Variants in GAB1 observed in about 807,000 individuals in gnomAD.
The protein encoded by GAB1 is GRB2 associated binding protein 1.
In GAB1, 19 loss-of-function variants were observed where a neutral mutation model predicts 66.5. The observed-to-expected ratio is 0.29, with a 90% CI of 0.20 to 0.42. The LOEUF is 0.42. Ranked by LOEUF, GAB1 falls within the 10% of genes least tolerant of loss-of-function variation. The pLI, the probability that GAB1 is intolerant of heterozygous loss-of-function variation, is 1.00. For missense variants in GAB1, 732 were observed against 858.5 expected, an observed-to-expected ratio of 0.85 and a Z score of 1.84; for synonymous variants, 294 against 301.4, an observed-to-expected ratio of 0.98 and a Z score of 0.25.
chr4:143,394,417 A>G (rs950077050), intron 1 of GAB1, among the ~76,000 whole-genome samples: 4 of 152,238 alleles, frequency 2.6e-5, no homozygotes, highest in South Asian at 2.1e-4. Context: ...TGTGTGTCCA[A>G]TTTAAATGCT....
chr4:143,417,395 T>G (rs1178524227), intron 2 of GAB1: 1 of 421,676 alleles, frequency 2.4e-6, no homozygotes, highest in Admixed American at 2.5e-5. Context: ...CTCGGGTACT[T>G]TTTTATTATT....
intron 1 of GAB1, among the ~76,000 whole-genome samples, chr4:143,373,044 A>AC (rs1560725364): frequency 4.7e-4 from 69 of 148,262 alleles, no homozygotes; most frequent in Middle Eastern, 3.5e-3. Context: ...TTCCTTTAAA[A>AC]ACACACACAC....
chr4:143,389,490 G>C (rs1731082026), intron 1 of GAB1, among the ~76,000 whole-genome samples: 2 of 152,190 alleles, frequency 1.3e-5, no homozygotes, highest in Middle Eastern at 3.2e-3. Context: ...ATAAAATATA[G>C]TAGTGCTTCC....
Position 143,439,788 on chromosome 4 carries a change from G to T in GAB1, c.1196-14G>T. 2 of 1,581,692 alleles carry T rather than the reference G, an allele frequency of 1.3e-6. No homozygotes were observed. Among genetic ancestry groups the T allele is most frequent in the Non-Finnish European group, 1.7e-6 (2 of 1,150,784 alleles). ...AGATGGGAATAAATGTTGATAGTTT[G>T]TTCTTTATTTTAGATGCTAGTTCTC... On this transcript the variant is annotated splice_polypyrimidine_tract_variant and intron_variant, in intron 4 of 9. Coordinates refer to ENST00000262994, the MANE Select transcript of GAB1 (RefSeq NM_002039.4).
intron 1 of GAB1, chr4:143,395,639 A>G (rs1335046093): frequency 1.8e-5 from 5 of 275,282 alleles, no homozygotes; most frequent in Non-Finnish European, 3.6e-5. Context: ...TCTCCCTAAA[A>G]TGTTTGTGAG....
chr4:143,447,152 A>G (rs13145263), intron 6 of GAB1, among the ~76,000 whole-genome samples: 68,035 of 150,984 alleles, frequency 0.45, 18,530 homozygotes, highest in African/African-American at 0.77. Context: ...CCATTGATCT[A>G]TATCTCTGTT....
chr4:143,433,175 CTT>C (rs1733765188), intron 2 of GAB1, among the ~76,000 whole-genome samples: 1 of 152,228 alleles, frequency 6.6e-6, no homozygotes, highest in Admixed American at 6.5e-5. Flanking sequence ...TTTAAAGTAT[CTT>C]TCTCTTCTGC....
At chr4:143,373,856 T>TAAATAAATAA (rs1560725879) in intron 1 of GAB1, among the ~76,000 whole-genome samples, 1 of 111,732 alleles carries the variant, frequency 8.9e-6, no homozygotes, top group African/African-American at 4.2e-5. Context: ...TCTCTCTCTC[T>TAAATAAATAA]GTAAATAAAT....
At chr4:143,455,896 G>A (rs1265975936) in intron 6 of GAB1, among the ~76,000 whole-genome samples, 1 of 152,146 alleles carries the variant, frequency 6.6e-6, no homozygotes, top group Non-Finnish European at 1.5e-5. Flanking sequence ...TAAAGGTCTG[G>A]AAAGGTAAGA....
chr4:143,384,469 A>T (rs907523675), intron 1 of GAB1, among the ~76,000 whole-genome samples: 1 of 152,202 alleles, frequency 6.6e-6, no homozygotes, highest in Admixed American at 6.5e-5. Flanking sequence ...CTATAATTTC[A>T]GGGTGAACTT....
chr4:143,421,688 CT>C (rs1733026792), intron 2 of GAB1, among the ~76,000 whole-genome samples: 1 of 114,210 alleles, frequency 8.8e-6, no homozygotes, highest in African/African-American at 3.8e-5. Flanking sequence ...TTTTTCTTTT[CT>C]TTTCTTTTCT....
chr4:143,450,091 G>C (rs375412367), intron 6 of GAB1, among the ~76,000 whole-genome samples: 1 of 152,024 alleles, frequency 6.6e-6, no homozygotes. Flanking sequence ...ATTTGTTACC[G>C]TTTAAAGGAA....
intron 1 of GAB1, among the ~76,000 whole-genome samples, chr4:143,410,105 A>G (rs552058181): frequency 1.3e-4 from 19 of 151,916 alleles, no homozygotes; most frequent in Non-Finnish European, 2.4e-4. Flanking sequence ...TTCAGGGCAG[A>G]GAACCCATGG....
At chr4:143,404,040 G>C (rs972133431) in intron 1 of GAB1, among the ~76,000 whole-genome samples, 1 of 152,186 alleles carries the variant, frequency 6.6e-6, no homozygotes, top group Non-Finnish European at 1.5e-5. Flanking sequence ...TTTTTAAACA[G>C]TGATCCAAAT....
At chr4:143,410,969 A>T (rs1310551290) in intron 1 of GAB1, among the ~76,000 whole-genome samples, 2 of 152,218 alleles carry the variant, frequency 1.3e-5, no homozygotes, top group African/African-American at 4.8e-5. Context: ...GTGGAAATGG[A>T]GAGCTCAGAG....
intron 8 of GAB1, among the ~76,000 whole-genome samples, chr4:143,465,313 T>C (rs2149797320): frequency 6.6e-6 from 1 of 152,360 alleles, no homozygotes; most frequent in East Asian, 1.9e-4. Context: ...CGCTGTCATC[T>C]ATCTTCCTAC....
Position 143,337,195 on chromosome 4 carries a change from G to A in GAB1, c.7G>A (p.Gly3Ser). MS[G>S]GEVVCSGWLR... ...AGCCCGAGACGCGCGCACCATGAGC[G>A]GTGGTGAAGTGGTCTGCTCCGGATG... The change falls in exon 1 of 10, where the codon GGT (glycine) becomes AGT (serine). Residue 3 changes from glycine to serine, a missense_variant. By Grantham distance (56) the Gly-to-Ser change is moderately conservative. This residue lies in a region of GAB1 where 35 missense variants were observed against 30.8 expected (regional missense o/e 1.13). Transcript: ENST00000262994. 1.9e-6 allele frequency: 3 copies of A among 1,580,436 alleles called. No individual in the cohort carries two copies. The highest frequency in any genetic ancestry group is 1.2e-5 in the South Asian group (1 of 86,460).
rs886879923 is a variant in GAB1 at position 143,472,424 on chromosome 4, T to G, written c.*3235T>G. The G allele has an allele frequency of 3.3e-5, 5 of 152,346 alleles. No homozygotes were observed. Among genetic ancestry groups the G allele is most frequent in the African/African-American group, 9.6e-5 (4 of 41,592 alleles). The allele number at this position is 152,346 out of a possible 1,614,324, so 9.4% of individuals were successfully genotyped here. On this transcript the variant is annotated 3_prime_UTR_variant, in exon 10 of 10. Transcript: ENST00000262994. Reference sequence around the variant, plus strand: ...TATAGTCTTCCTTCATAAATGCATTTAAACCTGAAATTGAACACCAGTGTT... The same window carrying G: ...TATAGTCTTCCTTCATAAATGCATTGAAACCTGAAATTGAACACCAGTGTT...
chr4:143,392,191 C>T (rs1224477046), intron 1 of GAB1, among the ~76,000 whole-genome samples: 1 of 152,108 alleles, frequency 6.6e-6, no homozygotes, highest in Non-Finnish European at 1.5e-5. Flanking sequence ...CAGATGGTCC[C>T]AAGTTAATAG....
Sources: gnomAD v4.1 joint callset for allele counts (sites outside exome capture counted in the v4.1 genomes callset) on GRCh38, gnomAD v4.1.1 for gene constraint, gnomAD v4.1.1 regional missense constraint, MANE v1.5 for transcripts, NCBI Gene and HGNC (gene_info 2026-07-23, HGNC 2026-07-21) for gene names.